Variants in TBCK observed in about 807,000 individuals in gnomAD.
The protein encoded by TBCK is TBC domain-containing protein kinase-like protein.
In TBCK, 99 loss-of-function variants were observed where a neutral mutation model predicts 113.4. The ratio of observed to expected loss-of-function variants is 0.87; its 90% CI spans 0.74 to 1.03. TBCK has a LOEUF of 1.03. Among genes scored for constraint, TBCK ranks in the 50% least tolerant of loss-of-function variants. TBCK has a pLI of 0.00. For synonymous variants in TBCK, 369 were observed against 370.8 expected (o/e 1.00, Z 0.05); for missense variants, 1,045 against 1,061.3 (o/e 0.98, Z 0.21).
intron 12 of TBCK, among the ~76,000 whole-genome samples, chr4:106,241,220 G>A (rs145124419): frequency 6.6e-6 from 1 of 151,466 alleles, no homozygotes; most frequent in East Asian, 1.9e-4. Flanking sequence ...CTGATATACA[G>A]ACATTAAAAA....
chr4:106,211,198 A>G (rs1756091128), intron 20 of TBCK, among the ~76,000 whole-genome samples: 1 of 152,170 alleles, frequency 6.6e-6, no homozygotes, highest in South Asian at 2.1e-4. Flanking sequence ...AATTTTAAAT[A>G]CTTAATATTC....
intron 5 of TBCK, among the ~76,000 whole-genome samples, chr4:106,252,935 G>A (rs926550498): frequency 6.6e-5 from 10 of 152,022 alleles, no homozygotes; most frequent in African/African-American, 1.4e-4. Flanking sequence ...TTTGAAAACC[G>A]GTTTAGCAAA....
At chr4:106,292,634 GAC>G (rs1332401720) in intron 3 of TBCK, among the ~76,000 whole-genome samples, 1 of 152,054 alleles carries the variant, frequency 6.6e-6, no homozygotes, top group Non-Finnish European at 1.5e-5. Flanking sequence ...TGAGGAGATG[GAC>G]ACAGAGCATA....
intron 11 of TBCK, 112 bp downstream of exon 11, chr4:106,244,514 A>G (rs540569563): frequency 1.0e-6 from 1 of 1,004,766 alleles, no homozygotes; most frequent in East Asian, 3.2e-5. Context: ...AAAAAATTTT[A>G]AAAACAACCA....
At chr4:106,226,863 G>C (rs1008534623) in intron 19 of TBCK, among the ~76,000 whole-genome samples, 1 of 152,002 alleles carries the variant, frequency 6.6e-6, no homozygotes, top group African/African-American at 2.4e-5. Flanking sequence ...GAAGCTATTA[G>C]TAAGAATGGG....
At chr4:106,147,412 A>G (rs1331480415) in intron 23 of TBCK, among the ~76,000 whole-genome samples, 1 of 152,192 alleles carries the variant, frequency 6.6e-6, no homozygotes, top group Non-Finnish European at 1.5e-5. Flanking sequence ...TGGAGAATGG[A>G]TATTATTGTT....
intron 22 of TBCK, among the ~76,000 whole-genome samples, chr4:106,183,886 G>C (rs1218232827): frequency 6.6e-6 from 1 of 151,890 alleles, no homozygotes; most frequent in Non-Finnish European, 1.5e-5. Flanking sequence ...TCCTTGTTAT[G>C]ATCCTTCTCA....
intron 20 of TBCK, among the ~76,000 whole-genome samples, chr4:106,203,143 A>T (rs745782715): frequency 8.0e-4 from 121 of 151,978 alleles, no homozygotes; most frequent in Non-Finnish European, 1.6e-3. Context: ...TGCAAGTGCA[A>T]GAAGAACCAG....
chr4:106,205,680 C>G (rs902166587), intron 20 of TBCK, among the ~76,000 whole-genome samples: 1 of 148,346 alleles, frequency 6.7e-6, no homozygotes, highest in African/African-American at 2.5e-5. Context: ...GCAGGAGAAT[C>G]GCTTGAACCC....
At chr4:106,251,756 G>T in intron 6 of TBCK, 110 bp downstream of exon 6, 1 of 1,019,802 alleles carries the variant, frequency 9.8e-7, no homozygotes, top group Non-Finnish European at 1.3e-6. Context: ...CTCCTCATAT[G>T]TAATTAATTT....
At chr4:106,196,775 T>TA (rs1224646428) in intron 20 of TBCK, among the ~76,000 whole-genome samples, 7 of 152,132 alleles carry the variant, frequency 4.6e-5, no homozygotes, top group Non-Finnish European at 1.0e-4. Context: ...TCAGCAAAAT[T>TA]AGTTTCATTG....
chr4:106,217,111 A>G (rs1757040647), intron 19 of TBCK, among the ~76,000 whole-genome samples: 2 of 151,578 alleles, frequency 1.3e-5, no homozygotes, highest in Admixed American at 6.6e-5. Flanking sequence ...AGCCAAAGAC[A>G]AAAACCACAT....
intron 24 of TBCK, among the ~76,000 whole-genome samples, chr4:106,098,644 T>C (rs537091527): frequency 8.9e-4 from 135 of 152,224 alleles, no homozygotes; most frequent in Middle Eastern, 6.8e-3. Context: ...ATAATAGTTA[T>C]GAAAGCATAA....
intron 23 of TBCK, chr4:106,163,765 T>A (rs1260458074): frequency 1.3e-5 from 2 of 152,094 alleles, no homozygotes; most frequent in Admixed American, 6.6e-5. Context: ...CTCCACCTGG[T>A]CCTGTCCTTG....
chr4:106,252,093 G>A (rs886488145), intron 5 of TBCK, 86 bp from the exon 6 acceptor site: 2 of 1,113,302 alleles, frequency 1.8e-6, no homozygotes, highest in African/African-American at 3.1e-5. Context: ...TAAGATCTAT[G>A]TAAAAGTCTC....
chr4:106,133,045 T>TATTACTCATTATGTCATTATG (rs1186495993), intron 23 of TBCK, among the ~76,000 whole-genome samples: 1 of 152,110 alleles, frequency 6.6e-6, no homozygotes, highest in Non-Finnish European at 1.5e-5. Flanking sequence ...CTGAAATGAG[T>TATTACTCATTATGTCATTATG]TAAGACTTTG....
intron 20 of TBCK, among the ~76,000 whole-genome samples, chr4:106,195,836 A>C (rs1754169586): frequency 6.6e-6 from 1 of 151,998 alleles, no homozygotes; most frequent in Non-Finnish European, 1.5e-5. Flanking sequence ...ATATTGTGGG[A>C]TATCTCAGCC....
At chr4:106,202,862 C>T (rs1038014496) in intron 20 of TBCK, among the ~76,000 whole-genome samples, 1 of 151,824 alleles carries the variant, frequency 6.6e-6, no homozygotes, top group African/African-American at 2.4e-5. Flanking sequence ...TTTTACTTTG[C>T]TAAAAGGATA....
chr4:106,104,677 C>G (rs367644036), intron 24 of TBCK, among the ~76,000 whole-genome samples: 14 of 152,366 alleles, frequency 9.2e-5, no homozygotes, highest in African/African-American at 3.4e-4. Flanking sequence ...GGGTTCTGAT[C>G]CTGTTCCTCC....
Sources: allele counts gnomAD v4.1 joint callset (sites outside exome capture counted in the v4.1 genomes callset), GRCh38; gene constraint gnomAD v4.1.1; transcripts MANE v1.5; gene names NCBI Gene and HGNC (gene_info 2026-07-23, HGNC 2026-07-21).